ASTN2: variants seen among roughly 807,000 people sequenced by gnomAD.
ASTN2 encodes astrotactin 2.
Under a neutral mutation model 139.8 loss-of-function variants are expected in ASTN2, and 54 were observed. The ratio of observed to expected loss-of-function variants is 0.39; its 90% CI spans 0.31 to 0.48. ASTN2 has a LOEUF of 0.48. ASTN2 is among the 20% of genes least tolerant of loss of function. The pLI, the probability that ASTN2 is intolerant of heterozygous loss-of-function variation, is 0.95. For synonymous variants in ASTN2, 756 were observed against 719.5 expected, an observed-to-expected ratio of 1.05 and a Z score of -0.81; for missense variants, 1,565 against 1,725.1, an observed-to-expected ratio of 0.91 and a Z score of 1.64.
intron 20 of ASTN2, among the ~76,000 whole-genome samples, chr9:116,480,113 AAAGG>A (rs1391150657): frequency 6.6e-6 from 1 of 151,724 alleles, no homozygotes; most frequent in Non-Finnish European, 1.5e-5. Flanking sequence ...ATGGGTGAAG[AAAGG>A]AAGGAAGGAA....
At chr9:116,779,783 C>T (rs781405891) in intron 13 of ASTN2, among the ~76,000 whole-genome samples, 1 of 152,172 alleles carries the variant, frequency 6.6e-6, no homozygotes, top group Non-Finnish European at 1.5e-5. Flanking sequence ...AAGGCTCCTT[C>T]CATGTCCACC....
chr9:116,749,819 G>A (rs1465668424), intron 13 of ASTN2, among the ~76,000 whole-genome samples: 1 of 152,120 alleles, frequency 6.6e-6, no homozygotes, highest in Non-Finnish European at 1.5e-5. Flanking sequence ...GGTTGTTTAA[G>A]CGAGTGTGGC....
At chr9:116,848,144 T>G (rs753422404) in intron 11 of ASTN2, among the ~76,000 whole-genome samples, 3 of 152,122 alleles carry the variant, frequency 2.0e-5, no homozygotes, top group Admixed American at 2.0e-4. Flanking sequence ...TATGAAATCT[T>G]CCCAACAACC....
chr9:116,724,509 C>T (rs1052312886), intron 16 of ASTN2, among the ~76,000 whole-genome samples: 1 of 152,184 alleles, frequency 6.6e-6, no homozygotes, highest in Admixed American at 6.5e-5. Context: ...TGTGCAGCTG[C>T]ATAAAAAGCA....
chr9:116,587,866 C>T (rs946572144), intron 19 of ASTN2, among the ~76,000 whole-genome samples: 1 of 152,098 alleles, frequency 6.6e-6, no homozygotes, highest in African/African-American at 2.4e-5. Context: ...ATTCTATGCC[C>T]AGGCCCTTTG....
intron 19 of ASTN2, among the ~76,000 whole-genome samples, chr9:116,530,958 T>C (rs972533472): frequency 6.6e-6 from 1 of 152,188 alleles, no homozygotes. Context: ...TAAATACATA[T>C]TTATTAAATA....
chr9:117,016,638 A>AACC (rs1564385953), intron 6 of ASTN2, among the ~76,000 whole-genome samples: 25 of 33,222 alleles, frequency 7.5e-4, no homozygotes, highest in African/African-American at 1.4e-3. Flanking sequence ...ATATATATAT[A>AACC]TATATATATA....
At chr9:116,593,408 C>A (rs1022439463) in intron 19 of ASTN2, among the ~76,000 whole-genome samples, 1 of 152,158 alleles carries the variant, frequency 6.6e-6, no homozygotes, top group Admixed American at 6.5e-5. Flanking sequence ...AATGCTAATG[C>A]CATTCTCCAC....
intron 19 of ASTN2, among the ~76,000 whole-genome samples, chr9:116,549,271 CAGAA>C (rs1378558905): frequency 2.7e-5 from 4 of 145,640 alleles, no homozygotes; most frequent in Non-Finnish European, 1.5e-5. Context: ...AAAAAAAAAA[CAGAA>C]GGAAGTAAAA....
At chr9:117,108,438 A>AACACACACAC (rs3041147) in intron 4 of ASTN2, among the ~76,000 whole-genome samples, 5,152 of 145,282 alleles carry the variant, frequency 0.035, 148 homozygotes, top group Non-Finnish European at 0.048. Context: ...AACAAAACAA[A>AACACACACAC]ACACACACAC....
intron 13 of ASTN2, among the ~76,000 whole-genome samples, chr9:116,756,835 G>T (rs1473893154): frequency 6.6e-6 from 1 of 151,288 alleles, no homozygotes; most frequent in Non-Finnish European, 1.5e-5. Context: ...CTTCAATTCT[G>T]CTATTTTGCA....
At chr9:116,497,995 A>T (rs1849723089) in intron 19 of ASTN2, among the ~76,000 whole-genome samples, 2 of 152,200 alleles carry the variant, frequency 1.3e-5, no homozygotes, top group African/African-American at 4.8e-5. Context: ...TCTCTGTACA[A>T]AAAGGCAAAA....
At chr9:116,937,719 T>TA (rs756374885) in intron 10 of ASTN2, among the ~76,000 whole-genome samples, 7 of 152,092 alleles carry the variant, frequency 4.6e-5, no homozygotes, top group East Asian at 1.9e-4. Flanking sequence ...GAATTGAAAT[T>TA]AAAAAAAATC....
At chr9:117,042,863 T>G (rs1008840757) in intron 5 of ASTN2, among the ~76,000 whole-genome samples, 7 of 152,068 alleles carry the variant, frequency 4.6e-5, no homozygotes, top group African/African-American at 1.2e-4. Context: ...TGTTGTTGTT[T>G]TTTGTTTTGC....
At chr9:117,122,335 C>A (rs1439579969) in intron 4 of ASTN2, among the ~76,000 whole-genome samples, 1 of 152,088 alleles carries the variant, frequency 6.6e-6, no homozygotes, top group East Asian at 1.9e-4. Context: ...ACAATTAGGT[C>A]CAAGCAAGCT....
chr9:117,329,708 A>G (rs1828640225), intron 1 of ASTN2, among the ~76,000 whole-genome samples: 1 of 152,190 alleles, frequency 6.6e-6, no homozygotes, highest in South Asian at 2.1e-4. Flanking sequence ...AGGACTCCAT[A>G]TAAAGTGGCC....
intron 3 of ASTN2, among the ~76,000 whole-genome samples, chr9:117,142,224 G>T (rs367775652): frequency 5.9e-5 from 9 of 152,136 alleles, no homozygotes; most frequent in African/African-American, 9.7e-5. Context: ...ATCACCAAAA[G>T]GTTTTAAACA....
At chr9:117,037,600 C>A (rs1838424317) in intron 6 of ASTN2, among the ~76,000 whole-genome samples, 1 of 152,152 alleles carries the variant, frequency 6.6e-6, no homozygotes, top group Non-Finnish European at 1.5e-5. Flanking sequence ...ACTGTTTCAT[C>A]TTGAGCAAGT....
intron 20 of ASTN2, among the ~76,000 whole-genome samples, chr9:116,463,648 G>A (rs1029044188): frequency 6.6e-6 from 1 of 152,082 alleles, no homozygotes; most frequent in Non-Finnish European, 1.5e-5. Context: ...ACTAATGTAA[G>A]GGGTATAGTT....
Sources: allele counts gnomAD v4.1 joint callset (sites outside exome capture counted in the v4.1 genomes callset), GRCh38; gene constraint gnomAD v4.1.1; transcripts MANE v1.5; gene names NCBI Gene and HGNC (gene_info 2026-07-23, HGNC 2026-07-21).